TTC12: variants seen among roughly 807,000 people sequenced by gnomAD.
TTC12 encodes the protein tetratricopeptide repeat protein 12.
Under a neutral mutation model 90.1 loss-of-function variants are expected in TTC12, and 70 were observed. The observed-to-expected ratio is 0.78, with a 90% confidence interval of 0.64 to 0.95. The LOEUF (loss-of-function observed/expected upper bound fraction) is 0.95. TTC12 is among the 40% of genes least tolerant of loss of function. The pLI, the probability that TTC12 is intolerant of heterozygous loss-of-function variation, is 0.00. For missense variants in TTC12, 819 were observed against 846.1 expected, an observed-to-expected ratio of 0.97 and a Z score of 0.40; for synonymous variants, 296 against 311.5, an observed-to-expected ratio of 0.95 and a Z score of 0.53.
In TTC12 at chr11:113,323,374, G is replaced by A; in HGVS notation, c.145G>A (p.Glu49Lys). 2 of 1,613,480 alleles carry A rather than the reference G, an allele frequency of 1.2e-6. No homozygotes were observed. The highest frequency in any genetic ancestry group is 1.1e-5 in the South Asian group (1 of 90,974). The change falls in exon 3 of 22, where the codon GAG becomes AAG. Residue 49 changes from glutamate (E) to lysine (K), a missense_variant. Coordinates refer to ENST00000529221, the MANE Select transcript of TTC12 (RefSeq NM_017868.4). Reference sequence around the variant, plus strand: ...GACAGAAAAGAGACTACTGCTTATGGAGGAAGACCAGGAGGAGGATGAATG... The same window carrying A: ...GACAGAAAAGAGACTACTGCTTATGAAGGAAGACCAGGAGGAGGATGAATG... ...LETEKRLLLM[E>K]EDQEEDECRT...
intron 2 of TTC12, among the ~76,000 whole-genome samples, chr11:113,319,375 T>C (rs527433747): frequency 6.6e-6 from 1 of 152,022 alleles, no homozygotes; most frequent in East Asian, 1.9e-4. Context: ...GTGTTCTGGA[T>C]GGGATCCTGG....
chr11:113,360,999 C>T (rs894617882), intron 18 of TTC12, among the ~76,000 whole-genome samples: 5 of 152,226 alleles, frequency 3.3e-5, no homozygotes. Flanking sequence ...TGAGCCTACA[C>T]TAGTGCCTGA....
chr11:113,343,813 G>C (rs569987712), intron 12 of TTC12, among the ~76,000 whole-genome samples: 3 of 152,282 alleles, frequency 2.0e-5, no homozygotes, highest in Non-Finnish European at 2.9e-5. Flanking sequence ...TAGTTTTCTG[G>C]ATAACATTTC....
rs782791602 is a variant in TTC12, at chr11:113,329,932, C to T, written c.457C>T (p.Leu153Phe). The T allele has an allele frequency of 1.2e-6, 2 of 1,613,626 alleles. No homozygotes were observed. The highest frequency in any genetic ancestry group is 1.1e-5 in the South Asian group (1 of 91,066). ...YTNRAQAYMK[L>F]EDYEKALVDC... ...GGTTTCATTACAGGCTTATATGAAA[C>T]TTGAGGACTATGAGAAGGCACTGGT... The change falls in exon 7 of 22, where the codon CTT becomes TTT. Residue 153 changes from leucine to phenylalanine, a missense_variant. Physicochemically the swap from Leu to Phe is conservative, Grantham distance 22 (BLOSUM62 0). Transcript: ENST00000529221.
At chr11:113,373,124 A>G (rs1006983282) in exon 22 of TTC12, 3 of 864,466 alleles carry the variant, frequency 3.5e-6, no homozygotes, top group African/African-American at 3.7e-5. Flanking sequence ...CCCTTTACAG[A>G]TGAGGAAACT....
intron 16 of TTC12, among the ~76,000 whole-genome samples, chr11:113,354,457 T>C (rs2138048694): frequency 6.6e-6 from 1 of 152,318 alleles, no homozygotes; most frequent in East Asian, 1.9e-4. Flanking sequence ...CTTTATTTTC[T>C]CTCTTGCCTG....
intron 6 of TTC12, among the ~76,000 whole-genome samples, chr11:113,328,920 A>G (rs1208861889): frequency 6.6e-6 from 1 of 152,132 alleles, no homozygotes; most frequent in African/African-American, 2.4e-5. Context: ...ATTTATCGTA[A>G]TGCTTTTAAG....
chr11:113,337,239 G>T (rs1412746588), intron 8 of TTC12, among the ~76,000 whole-genome samples: 1 of 152,154 alleles, frequency 6.6e-6, no homozygotes, highest in East Asian at 1.9e-4. Context: ...AGGCAATAAA[G>T]AATACATCAG....
downstream of TTC12, among the ~76,000 whole-genome samples, chr11:113,369,273 C>T (rs1050456328): frequency 1.5e-4 from 23 of 152,090 alleles, no homozygotes; most frequent in Non-Finnish European, 2.9e-4. Context: ...TACAGGCATG[C>T]GTCCGTATCC....
intron 16 of TTC12, among the ~76,000 whole-genome samples, chr11:113,358,422 G>C (rs1021015604): frequency 3.3e-5 from 5 of 152,184 alleles, no homozygotes; most frequent in Non-Finnish European, 7.4e-5. Context: ...TGGTCTGCCA[G>C]TGCAGAAGCT....
At chr11:113,356,008 A>C (rs1039619582) in intron 16 of TTC12, among the ~76,000 whole-genome samples, 1 of 152,194 alleles carries the variant, frequency 6.6e-6, no homozygotes, top group East Asian at 1.9e-4. Flanking sequence ...TTGATTTTCT[A>C]TCTCAGTGAT....
At chr11:113,349,046 TTG>T (rs1174300578) in intron 13 of TTC12, among the ~76,000 whole-genome samples, 3 of 152,212 alleles carry the variant, frequency 2.0e-5, no homozygotes, top group Non-Finnish European at 4.4e-5. Flanking sequence ...AGCCAGGACA[TTG>T]TCTTGTTTCA....
At chr11:113,323,205 T>G (rs1295586371) in intron 2 of TTC12, 83 bp from the exon 3 acceptor site, 2 of 1,110,560 alleles carry the variant, frequency 1.8e-6, no homozygotes, top group Non-Finnish European at 2.4e-6. Flanking sequence ...ATCTTTCCCA[T>G]GCATTTTATG....
intron 6 of TTC12, among the ~76,000 whole-genome samples, chr11:113,328,060 G>A (rs905143274): frequency 1.3e-4 from 20 of 152,322 alleles, no homozygotes; most frequent in Admixed American, 7.8e-4. Flanking sequence ...CATGAGGTTC[G>A]TTGTTAAGAT....
chr11:113,326,895 TA>T (rs1357164183), intron 6 of TTC12, among the ~76,000 whole-genome samples: 1 of 152,198 alleles, frequency 6.6e-6, no homozygotes, highest in Non-Finnish European at 1.5e-5. Context: ...TACATAACGT[TA>T]AAAGCACAAT....
intron 7 of TTC12, among the ~76,000 whole-genome samples, chr11:113,332,957 T>C (rs1456699060): frequency 6.6e-6 from 1 of 152,188 alleles, no homozygotes; most frequent in African/African-American, 2.4e-5. Context: ...TTCTTTGACA[T>C]AGCTCTGGCA....
downstream of TTC12, among the ~76,000 whole-genome samples, chr11:113,371,250 A>T (rs1209521822): frequency 6.6e-6 from 1 of 152,222 alleles, no homozygotes; most frequent in Non-Finnish European, 1.5e-5. Flanking sequence ...GAAATGCATC[A>T]TATTTGCATA....
Position 113,359,965 on chromosome 11 carries a change from G to A in TTC12, c.1571G>A (p.Arg524Lys), listed in dbSNP as rs1055613735. The A allele has an allele frequency of 1.3e-6, 2 of 1,599,698 alleles. No homozygotes were observed. Among genetic ancestry groups the A allele is most frequent in the African/African-American group, 2.7e-5 (2 of 74,858 alleles). Residue 524 changes from arginine to lysine, a missense_variant, in exon 18 of 22, where the codon AGG (arginine) becomes AAG (lysine). By Grantham distance (26) the Arg-to-Lys change is conservative. Transcript: ENST00000529221. The part of the protein sequence containing the change: ...SEVWAVEVSR[R>K]CLSLLNSQDG... ...GTTTGGGCTGTGGAGGTGAGCAGAA[G>A]GTGCCTGTCTTTACTAAACAGCCAG...
At chr11:113,323,897 T>C in intron 3 of TTC12, 97 bp from the exon 4 acceptor site, 1 of 931,634 alleles carries the variant, frequency 1.1e-6, no homozygotes, top group South Asian at 1.6e-5. Flanking sequence ...AATGACCTCT[T>C]GTTTGTAATT....
Sources: gnomAD v4.1 joint callset for allele counts (sites outside exome capture counted in the v4.1 genomes callset) on GRCh38, gnomAD v4.1.1 for gene constraint, MANE v1.5 for transcripts, NCBI Gene and HGNC (gene_info 2026-07-23, HGNC 2026-07-21) for gene names.